PDE3A: variants seen among roughly 807,000 people sequenced by gnomAD.
PDE3A encodes the protein cGMP-inhibited 3',5'-cyclic phosphodiesterase 3A.
A neutral mutation model predicts 98.3 loss-of-function variants in PDE3A; 43 were observed. The observed-to-expected ratio is 0.44, with a 90% CI of 0.34 to 0.56. PDE3A has a LOEUF of 0.56. Among genes scored for constraint, PDE3A ranks in the 20% least tolerant of loss-of-function variants. The pLI is 0.01. For synonymous variants in PDE3A, 663 were observed against 567.9 expected, an observed-to-expected ratio of 1.17 and a Z score of -2.38; for missense variants, 1,427 against 1,440.7, an observed-to-expected ratio of 0.99 and a Z score of 0.15.
chr12:20,647,824 T>C (rs1944813597), intron 12 of PDE3A, among the ~76,000 whole-genome samples: 1 of 152,082 alleles, frequency 6.6e-6, no homozygotes, highest in African/African-American at 2.4e-5. Flanking sequence ...ACCAGAATTA[T>C]TTTTTCTAAA....
At chr12:20,652,613 G>A (rs1475797687) in intron 14 of PDE3A, among the ~76,000 whole-genome samples, 1 of 152,014 alleles carries the variant, frequency 6.6e-6, no homozygotes, top group Admixed American at 6.6e-5. Flanking sequence ...TTTTGATGGG[G>A]TTGTTTGTTT....
At chr12:20,669,559 A>G (rs1327526920) in intron 15 of PDE3A, among the ~76,000 whole-genome samples, 1 of 152,130 alleles carries the variant, frequency 6.6e-6, no homozygotes, top group Non-Finnish European at 1.5e-5. Flanking sequence ...ATTCTTAAAG[A>G]AAAGAATTTC....
At chr12:20,586,282 C>T (rs1189707003) in intron 2 of PDE3A, among the ~76,000 whole-genome samples, 12 of 152,142 alleles carry the variant, frequency 7.9e-5, no homozygotes, top group Non-Finnish European at 1.6e-4. Flanking sequence ...TTAGATATGA[C>T]ACCCTCCCCT....
At chr12:20,371,632 A>G (rs1356089742) in intron 1 of PDE3A, among the ~76,000 whole-genome samples, 1 of 152,174 alleles carries the variant, frequency 6.6e-6, no homozygotes, top group Non-Finnish European at 1.5e-5. Context: ...AGTAGATGAC[A>G]GCATCATAGT....
intron 2 of PDE3A, among the ~76,000 whole-genome samples, chr12:20,590,071 AC>A (rs1943299043): frequency 6.6e-6 from 1 of 151,982 alleles, no homozygotes; most frequent in Non-Finnish European, 1.5e-5. Flanking sequence ...TGATGGACAA[AC>A]CTAGAATAGT....
At chr12:20,630,277 C>T (rs1592129699) in intron 6 of PDE3A, 150 bp downstream of exon 6, 1 of 617,532 alleles carries the variant, frequency 1.6e-6, no homozygotes, top group East Asian at 2.7e-5. Context: ...GTTGAATAGG[C>T]TACAATAAAA....
chr12:20,663,443 C>A (rs1592160265), intron 15 of PDE3A, among the ~76,000 whole-genome samples: 1 of 151,860 alleles, frequency 6.6e-6, no homozygotes, highest in East Asian at 1.9e-4. Flanking sequence ...GTGAAAGCAG[C>A]TGGAGGGGAG....
chr12:20,527,532 ACCT>A (rs1180956381), intron 1 of PDE3A, among the ~76,000 whole-genome samples: 18 of 152,064 alleles, frequency 1.2e-4, no homozygotes, highest in Non-Finnish European at 1.8e-4. Context: ...TCTCCTCCCA[ACCT>A]ACATTTCTTG....
chr12:20,445,330 A>T (rs955494239), intron 1 of PDE3A, among the ~76,000 whole-genome samples: 4 of 151,536 alleles, frequency 2.6e-5, no homozygotes, highest in South Asian at 2.1e-4. Context: ...CCTTGAGAAA[A>T]TTTTTTTTTC....
At chr12:20,576,022 T>G (rs934154875) in intron 2 of PDE3A, among the ~76,000 whole-genome samples, 83 of 152,102 alleles carry the variant, frequency 5.5e-4, no homozygotes, top group African/African-American at 1.9e-3. Context: ...TGTGGGCGCA[T>G]AGTAAGTGTA....
At chr12:20,433,535 C>A (rs1412120067) in intron 1 of PDE3A, among the ~76,000 whole-genome samples, 1 of 152,094 alleles carries the variant, frequency 6.6e-6, no homozygotes, top group African/African-American at 2.4e-5. Context: ...ATTGATACTA[C>A]TCTCTCAAGG....
Position 20,432,946 on chromosome 12 carries a change from G to A in PDE3A, c.960+62702G>A, listed in dbSNP as rs552121619. On this transcript the variant is annotated intron_variant, in intron 1 of 15. Transcript: ENST00000359062. ...AAAGTATATTATCTCACAGATGGAA[G>A]TCTAGAAGGTCTTAAGGGTGACTCC... Among the ~76,000 whole-genome samples the A allele has an allele frequency of 1.1e-4, 16 of 152,162 alleles. No individual in the cohort carries two copies. In the East Asian group the frequency reaches 1.5e-3, roughly 15 times the overall value.
intron 1 of PDE3A, among the ~76,000 whole-genome samples, chr12:20,427,057 G>T (rs1269050907): frequency 2.6e-5 from 4 of 152,120 alleles, no homozygotes; most frequent in Non-Finnish European, 5.9e-5. Context: ...ATGGATCAAG[G>T]AACATTGGAT....
Position 20,683,177 on chromosome 12 carries a change from T to G in PDE3A, c.*2906T>G, listed in dbSNP as rs989870655. The G allele has an allele frequency of 3.3e-5, 5 of 152,214 alleles. No individual in the cohort carries two copies. Among genetic ancestry groups the G allele is most frequent in the African/African-American group, 1.2e-4 (5 of 41,448 alleles). 9.4% of individuals were successfully genotyped at this position (152,214 alleles called of 1,614,324 possible). On this transcript the variant is annotated 3_prime_UTR_variant, in exon 16 of 16. Coordinates refer to ENST00000359062, the MANE Select transcript of PDE3A (RefSeq NM_000921.5). ...TGAAGATCCACTAAGTTTGTGACTT[T>G]CATACACACCCAGTACATCTCAAAG...
intron 2 of PDE3A, among the ~76,000 whole-genome samples, chr12:20,567,356 C>A (rs1008217473): frequency 6.6e-6 from 1 of 151,810 alleles, no homozygotes; most frequent in Non-Finnish European, 1.5e-5. Flanking sequence ...AGCCAAGAAG[C>A]CTTTTGTTTT....
intron 1 of PDE3A, among the ~76,000 whole-genome samples, chr12:20,460,875 C>T (rs1054154771): frequency 6.6e-6 from 1 of 152,074 alleles, no homozygotes; most frequent in South Asian, 2.1e-4. Context: ...CACTAGCTTC[C>T]CTCAGTCATT....
chr12:20,651,126 A>G (rs1944905641), intron 14 of PDE3A, among the ~76,000 whole-genome samples: 1 of 152,210 alleles, frequency 6.6e-6, no homozygotes, highest in South Asian at 2.1e-4. Context: ...AAAATTAATA[A>G]GAGCATTATG....
At chr12:20,679,074 G>A (rs1022306695) in intron 15 of PDE3A, among the ~76,000 whole-genome samples, 3 of 152,164 alleles carry the variant, frequency 2.0e-5, no homozygotes, top group Non-Finnish European at 2.9e-5. Flanking sequence ...GAAGAATTCA[G>A]TGAAATCTGA....
chr12:20,476,528 A>G (rs1374601139), intron 1 of PDE3A, among the ~76,000 whole-genome samples: 1 of 152,234 alleles, frequency 6.6e-6, no homozygotes, highest in Non-Finnish European at 1.5e-5. Flanking sequence ...TGCCTTAAAG[A>G]TGGGAACTTA....
Sources: allele counts gnomAD v4.1 joint callset (sites outside exome capture counted in the v4.1 genomes callset), GRCh38; gene constraint gnomAD v4.1.1; transcripts MANE v1.5; gene names NCBI Gene and HGNC (gene_info 2026-07-23, HGNC 2026-07-21).